The following ZFHX3 variants were observed in gnomAD, a reference collection of about 807,000 sequenced individuals.
The protein encoded by ZFHX3 is zinc finger homeobox protein 3.
ZFHX3 carries 42 observed loss-of-function variants against 279.1 expected under a neutral mutation model. The ratio of observed to expected loss-of-function variants is 0.15; its 90% CI spans 0.12 to 0.19. The LOEUF is 0.19. Among genes scored for constraint, ZFHX3 ranks in the 10% least tolerant of loss-of-function variants. The probability of loss-of-function intolerance (pLI) is 1.00; values close to 1 mark genes in which losing one functional copy is unlikely to be tolerated. For synonymous variants in ZFHX3, 2,293 were observed against 1,957.8 expected, an observed-to-expected ratio of 1.17 and a Z score of -4.52; for missense variants, 4,981 against 4,754.0, an observed-to-expected ratio of 1.05 and a Z score of -1.40.
chr16:73,594,702 T>C (rs543100092), intron 2 of ZFHX3, among the ~76,000 whole-genome samples: 91 of 152,342 alleles, frequency 6.0e-4, no homozygotes, highest in African/African-American at 2.1e-3. Context: ...TAAATGATGC[T>C]GGAACCACTG....
At chr16:73,813,445 C>A (rs1960478739) in intron 1 of ZFHX3, among the ~76,000 whole-genome samples, 2 of 151,872 alleles carry the variant, frequency 1.3e-5, no homozygotes, top group Non-Finnish European at 2.9e-5. Flanking sequence ...AGGTGAAAAT[C>A]AGTTGAACTG....
intron 2 of ZFHX3, among the ~76,000 whole-genome samples, chr16:73,607,393 G>A (rs930837965): frequency 6.6e-6 from 1 of 152,012 alleles, no homozygotes; most frequent in African/African-American, 2.4e-5. Context: ...TCTTTATCCA[G>A]TCTATCATCA....
At chr16:73,544,754 G>A (rs2020081038) in intron 2 of ZFHX3, among the ~76,000 whole-genome samples, 1 of 152,122 alleles carries the variant, frequency 6.6e-6, no homozygotes, top group Non-Finnish European at 1.5e-5. Context: ...GTAAAGGTGT[G>A]GGAGAGAAGC....
intron 1 of ZFHX3, among the ~76,000 whole-genome samples, chr16:73,785,683 T>C (rs1959621881): frequency 6.6e-6 from 1 of 152,104 alleles, no homozygotes; most frequent in Non-Finnish European, 1.5e-5. Flanking sequence ...GGCTGGGCAT[T>C]AAGTTCTACA....
intron 5 of ZFHX3, among the ~76,000 whole-genome samples, chr16:73,146,235 C>G (rs914227958): frequency 6.6e-6 from 1 of 152,130 alleles, no homozygotes; most frequent in Non-Finnish European, 1.5e-5. Flanking sequence ...TGAGATCATC[C>G]TGGCCAACAT....
intron 4 of ZFHX3, among the ~76,000 whole-genome samples, chr16:73,284,520 CA>C (rs2014544801): frequency 6.6e-6 from 1 of 152,074 alleles, no homozygotes; most frequent in Admixed American, 6.5e-5. Context: ...TTGCAGCCAT[CA>C]GTAAGTAATA....
At chr16:73,870,700 A>G (rs1962139781) in intron 1 of ZFHX3, among the ~76,000 whole-genome samples, 4 of 152,150 alleles carry the variant, frequency 2.6e-5, no homozygotes, top group Admixed American at 2.6e-4. Context: ...ATTAAGTTCA[A>G]AGTCAATTCA....
At chr16:73,753,690 C>A (rs1377225861) in intron 1 of ZFHX3, among the ~76,000 whole-genome samples, 6 of 152,210 alleles carry the variant, frequency 3.9e-5, no homozygotes, top group Non-Finnish European at 5.9e-5. Flanking sequence ...CAAAGACAAA[C>A]CCCCACTGCC....
At position 72,811,306 on chromosome 16, in the gene ZFHX3, T is replaced by C. The variant is rs1300439125; in HGVS notation, c.3864+271A>G. On this transcript the variant is annotated intron_variant, in intron 7 of 9. Coordinates refer to ENST00000268489, the MANE Select transcript of ZFHX3 (RefSeq NM_006885.4). ...AAGAATTTGAATAATGATTTCTTCA[T>C]ATAAATGGTTAGCTAATCCATGCCT... Among the ~76,000 whole-genome samples the C allele has an allele frequency of 2.6e-5, 4 of 152,224 alleles. No individual in the cohort carries two copies. In the South Asian group the frequency reaches 8.3e-4, roughly 32 times the overall value.
chr16:73,176,434 T>G (rs752172651), intron 5 of ZFHX3, among the ~76,000 whole-genome samples: 28 of 152,138 alleles, frequency 1.8e-4, no homozygotes, highest in Non-Finnish European at 4.1e-4. Context: ...TCACCTCCCT[T>G]TATGTGAGTA....
At chr16:73,028,636 C>G (rs117685529) in intron 1 of ZFHX3, among the ~76,000 whole-genome samples, 1 of 152,150 alleles carries the variant, frequency 6.6e-6, no homozygotes, top group Non-Finnish European at 1.5e-5. Flanking sequence ...TAACCTCAAC[C>G]GCTCGGAGGG....
At chr16:73,212,223 G>T (rs1246821070) in intron 5 of ZFHX3, among the ~76,000 whole-genome samples, 2 of 150,764 alleles carry the variant, frequency 1.3e-5, no homozygotes, top group East Asian at 1.9e-4. Context: ...ATAAACTTTG[G>T]TGACAACTTA....
At chr16:73,115,510 A>C (rs976802701) in intron 7 of ZFHX3, among the ~76,000 whole-genome samples, 3 of 151,854 alleles carry the variant, frequency 2.0e-5, no homozygotes, top group African/African-American at 7.3e-5. Flanking sequence ...GGATCATGCC[A>C]CTGCACTCCA....
intron 2 of ZFHX3, among the ~76,000 whole-genome samples, chr16:73,548,479 TA>T (rs1555524255): frequency 1.3e-3 from 200 of 150,484 alleles, no homozygotes; most frequent in African/African-American, 4.3e-3. Flanking sequence ...TTTTTTTTTT[TA>T]AAAAAAAGTG....
At chr16:73,507,850 A>G (rs549116017) in intron 2 of ZFHX3, among the ~76,000 whole-genome samples, 1 of 152,054 alleles carries the variant, frequency 6.6e-6, no homozygotes, top group South Asian at 2.1e-4. Flanking sequence ...AACCTGTCCA[A>G]TCCTTGGACA....
intron 1 of ZFHX3, among the ~76,000 whole-genome samples, chr16:73,710,776 G>C (rs147759022): frequency 6.6e-6 from 1 of 152,072 alleles, no homozygotes; most frequent in African/African-American, 2.4e-5. Context: ...CTCGACCCCC[G>C]GCCTCCCTTC....
chr16:73,063,814 T>C (rs540332174), upstream of ZFHX3, among the ~76,000 whole-genome samples: 81 of 152,348 alleles, frequency 5.3e-4, no homozygotes, highest in African/African-American at 1.9e-3. Flanking sequence ...GACTGGGGAA[T>C]ACTTTGGTCA....
chr16:72,967,762 A>G lies in ZFHX3; in HGVS notation c.-49-7568T>C, dbSNP rs1351470961. Among the ~76,000 whole-genome samples, 9 of 135,140 alleles carry G rather than the reference A, an allele frequency of 6.7e-5. No individual in the cohort carries two copies. The East Asian group carries it at 1.4e-3, about 21-fold the overall frequency. 88.7% of individuals were successfully genotyped at this position (135,140 alleles called of 152,430 possible). A position where few individuals can be genotyped will look rare whatever the true frequency, so the allele number is the denominator to read the frequency against. ...AAACCCCGTCTCTACTAAAAATACA[A>G]AAAAAAAAAAAAAAAATTAGCCGGG... On this transcript the variant is annotated intron_variant, in intron 1 of 9. Coordinates refer to ENST00000268489, the MANE Select transcript of ZFHX3 (RefSeq NM_006885.4).
chr16:73,146,372 G>C (rs1966863125), intron 5 of ZFHX3, among the ~76,000 whole-genome samples: 1 of 151,852 alleles, frequency 6.6e-6, no homozygotes, highest in African/African-American at 2.4e-5. Context: ...AGGTTGCAGT[G>C]AGCCGAGATC....
Sources: allele counts gnomAD v4.1 joint callset (sites outside exome capture counted in the v4.1 genomes callset), GRCh38; gene constraint gnomAD v4.1.1; transcripts MANE v1.5; gene names NCBI Gene and HGNC (gene_info 2026-07-23, HGNC 2026-07-21).